FAM83A: variants seen among roughly 807,000 people sequenced by gnomAD.
FAM83A encodes the protein protein FAM83A.
FAM83A carries 21 observed loss-of-function variants against 24.4 expected under a neutral mutation model. The ratio of observed to expected loss-of-function variants is 0.86; its 90% CI spans 0.61 to 1.24. FAM83A has a LOEUF of 1.24. FAM83A is among the 50% of genes most tolerant of loss of function. FAM83A has a pLI of 0.00. For synonymous variants in FAM83A, 270 were observed against 252.4 expected, an observed-to-expected ratio of 1.07 and a Z score of -0.66; for missense variants, 617 against 579.8, an observed-to-expected ratio of 1.06 and a Z score of -0.66.
At chr8:123,194,182 A>G (rs201483966) in intron 3 of FAM83A, 34 bp downstream of exon 3, 1 of 1,612,254 alleles carries the variant, frequency 6.2e-7, no homozygotes, top group Non-Finnish European at 8.5e-7. Context: ...TCAAGGATTC[A>G]TGGAGAACAA....
intron 3 of FAM83A, chr8:123,201,037 C>A (rs1161481275): frequency 6.7e-6 from 1 of 149,998 alleles, no homozygotes; most frequent in Non-Finnish European, 1.5e-5. Flanking sequence ...TGCCTGTCAT[C>A]TTGGCTACTA....
At chr8:123,182,877 G>A in exon 1 of FAM83A, 1 of 1,522,202 alleles carries the variant, frequency 6.6e-7, no homozygotes. Flanking sequence ...CAAGGCACCT[G>A]GGCAAAATCC....
exon 4 of FAM83A, chr8:123,207,400 G>C: frequency 6.2e-7 from 1 of 1,610,990 alleles, no homozygotes; most frequent in Non-Finnish European, 8.5e-7. Flanking sequence ...GCGGCCGCTC[G>C]GCAGGCAGCC....
intron 1 of FAM83A, among the ~76,000 whole-genome samples, chr8:123,183,852 C>G (rs193146255): frequency 6.6e-6 from 1 of 151,850 alleles, no homozygotes; most frequent in East Asian, 1.9e-4. Flanking sequence ...CATGCCACCA[C>G]GCCCAGTTGA....
intron 1 of FAM83A, 117 bp from the exon 2 acceptor site, chr8:123,191,686 C>T: frequency 1.9e-6 from 2 of 1,073,318 alleles, no homozygotes; most frequent in Non-Finnish European, 2.8e-6. Context: ...CATCCTCTCC[C>T]CTCTGGCCCA....
At chr8:123,187,891 C>T (rs919926032) in intron 1 of FAM83A, among the ~76,000 whole-genome samples, 3 of 151,836 alleles carry the variant, frequency 2.0e-5, no homozygotes, top group African/African-American at 4.8e-5. Flanking sequence ...GACTGAGTCT[C>T]GCTCTGTTGC....
At chr8:123,205,292 A>G (rs539069317) in intron 3 of FAM83A, among the ~76,000 whole-genome samples, 243 of 152,128 alleles carry the variant, frequency 1.6e-3, no homozygotes, top group Non-Finnish European at 3.0e-3. Context: ...CTGTTGAGCA[A>G]AGCAGCAGCT....
chr8:123,191,754 G>A, intron 1 of FAM83A, 49 bp from the exon 2 acceptor site: 1 of 1,597,872 alleles, frequency 6.3e-7, no homozygotes, highest in Non-Finnish European at 8.5e-7. Flanking sequence ...AAACCAGTTA[G>A]CACCTGCCCC....
At chr8:123,198,371 T>G (rs946648332) in intron 3 of FAM83A, among the ~76,000 whole-genome samples, 4 of 152,124 alleles carry the variant, frequency 2.6e-5, no homozygotes, top group Non-Finnish European at 4.4e-5. Context: ...ACACAGGCAT[T>G]TGGAAACAAA....
chr8:123,200,452 C>T (rs577733372), intron 3 of FAM83A, among the ~76,000 whole-genome samples: 2 of 152,316 alleles, frequency 1.3e-5, no homozygotes, highest in South Asian at 4.1e-4. Context: ...GGCCCTCGCC[C>T]TGGGCAGGGG....
chr8:123,191,976 G>A lies in FAM83A; in HGVS notation c.648+6G>A, dbSNP rs1472631857. 7 of 1,613,886 alleles carry A rather than the reference G, an allele frequency of 4.3e-6. No individual in the cohort carries two copies. Among genetic ancestry groups the A allele is most frequent in the Admixed American group, 3.3e-5 (2 of 60,004 alleles). ...TCTCTGACAGTCACCTCAAGGTAGGGGCCCCAATGAGAGTCCTAAGGGTAC... is the reference window on the plus strand; with the variant it reads ...TCTCTGACAGTCACCTCAAGGTAGGAGCCCCAATGAGAGTCCTAAGGGTAC... On this transcript the variant is annotated splice_donor_region_variant and intron_variant, in intron 2 of 3. Transcript: ENST00000690554.
At chr8:123,182,825 G>A in exon 1 of FAM83A, 1 of 1,514,074 alleles carries the variant, frequency 6.6e-7, no homozygotes, top group East Asian at 2.3e-5. Context: ...TGACGTGCCA[G>A]CCTCCCCCAG....
intron 3 of FAM83A, among the ~76,000 whole-genome samples, chr8:123,199,296 C>T (rs960529393): frequency 7.2e-5 from 11 of 152,140 alleles, no homozygotes; most frequent in Non-Finnish European, 1.5e-4. Context: ...TAATTCCAAG[C>T]AGGGTCTGTT....
chr8:123,203,806 A>G lies in FAM83A; in HGVS notation c.774-3351A>G, dbSNP rs1824448545. On this transcript the variant is annotated intron_variant, in intron 3 of 3. Transcript: ENST00000690554. ...AAAGAGGCAACATATGGTTAAAAAA[A>G]CAAAACAAAAAATTAGCCAGCATTG... 2.0e-5 allele frequency among the ~76,000 whole-genome samples: 3 copies of G among 151,570 alleles called. No homozygotes were observed. The South Asian group carries it at 6.2e-4, about 31-fold the overall frequency.
exon 4 of FAM83A, chr8:123,207,664 C>T: frequency 6.6e-7 from 1 of 1,521,518 alleles, no homozygotes; most frequent in Non-Finnish European, 8.8e-7. Flanking sequence ...GGAGGCCCTT[C>T]CTGCAGGCCT....
At chr8:123,190,201 A>AAAAG (rs780494768) in intron 1 of FAM83A, among the ~76,000 whole-genome samples, 1 of 152,086 alleles carries the variant, frequency 6.6e-6, no homozygotes, top group Non-Finnish European at 1.5e-5. Context: ...GAAAAGAAAG[A>AAAAG]AAAGAAAGAA....
rs767243419 is a variant in FAM83A at position 123,209,445 on chromosome 8, C to T, written c.*1757C>T. 3 of 1,613,978 alleles carry T rather than the reference C, an allele frequency of 1.9e-6. No individual in the cohort carries two copies. In the South Asian group the frequency reaches 3.3e-5, roughly 18 times the overall value. ...CCTTAGTTCCTGAAAGTAAACAAAA[C>T]AAAACAAAAACAAAAAAACAAACAA... On this transcript the variant is annotated 3_prime_UTR_variant, in exon 4 of 4. Transcript: ENST00000690554. This position sits in a 1 kb window ranked among gnomAD's most constrained non-coding sequence, Gnocchi z 4.7.
chr8:123,196,503 C>CT (rs1824159328), intron 3 of FAM83A, among the ~76,000 whole-genome samples: 1 of 152,076 alleles, frequency 6.6e-6, no homozygotes, highest in Non-Finnish European at 1.5e-5. Context: ...TAGATAGCTC[C>CT]TTTTTTTCTC....
intron 3 of FAM83A, among the ~76,000 whole-genome samples, chr8:123,204,764 TA>T (rs1013566789): frequency 1.8e-4 from 22 of 122,122 alleles, no homozygotes; most frequent in Non-Finnish European, 2.6e-4. Context: ...CTGTCTCAAA[TA>T]AAAAAAAAAG....
Sources: gnomAD v4.1 joint callset for allele counts (sites outside exome capture counted in the v4.1 genomes callset) on GRCh38, gnomAD v4.1.1 for gene constraint, Gnocchi (gnomAD v3.1) non-coding constraint, MANE v1.5 for transcripts, NCBI Gene and HGNC (gene_info 2026-07-23, HGNC 2026-07-21) for gene names.